The following DYNC2H1 variants were observed in gnomAD, a reference collection of about 807,000 sequenced individuals.
The protein encoded by DYNC2H1 is dynein cytoplasmic 2 heavy chain 1.
DYNC2H1 carries 410 observed loss-of-function variants against 570.0 expected under a neutral mutation model. The observed-to-expected ratio is 0.72, with a 90% CI of 0.66 to 0.78. The LOEUF is 0.78. DYNC2H1 is among the 30% of genes least tolerant of loss of function. The probability of loss-of-function intolerance (pLI) is 0.00; values close to 1 mark genes in which losing one functional copy is unlikely to be tolerated. For missense variants in DYNC2H1, 4,865 were observed against 5,046.4 expected (o/e 0.96, Z 1.09); for synonymous variants, 1,688 against 1,677.6 (o/e 1.01, Z -0.15).
chr11:103,317,627 A>G (rs967979509), intron 80 of DYNC2H1, among the ~76,000 whole-genome samples: 3 of 152,130 alleles, frequency 2.0e-5, no homozygotes, highest in Non-Finnish European at 4.4e-5. Context: ...GTGTTCCTCA[A>G]ACAAGCCAGA....
At position 103,245,959 on chromosome 11, in the gene DYNC2H1, A is replaced by G. The variant is rs1395128733; in HGVS notation, c.10042+585A>G. Among the ~76,000 whole-genome samples the G allele has an allele frequency of 1.3e-5, 2 of 152,116 alleles. No individual in the cohort carries two copies. Among genetic ancestry groups the G allele is most frequent in the Non-Finnish European group, 2.9e-5 (2 of 67,986 alleles). On this transcript the variant is annotated intron_variant, in intron 65 of 88. Transcript: ENST00000375735. This position sits in a 1 kb window ranked among gnomAD's most constrained non-coding sequence, Gnocchi z 4.5. ...ATACGTACGTGAATGTATGCCACAT[A>G]CGTTGCTAGCACAGCAAACTTTAAA...
rs956799140 is a variant in DYNC2H1 at position 103,459,973 on chromosome 11, A to C, written c.12648+3617A>C. Among the ~76,000 whole-genome samples the C allele has an allele frequency of 2.5e-4, 38 of 151,564 alleles. 1 individual carries two copies. The South Asian group carries it at 7.9e-3, about 32-fold the overall frequency. ...GACTCCGTCTCAAAAAAAAAAGAAAAAAAAAAAAAAGCTGAAGGACTTAGA... is the reference window on the plus strand; with the variant it reads ...GACTCCGTCTCAAAAAAAAAAGAAACAAAAAAAAAAGCTGAAGGACTTAGA... On this transcript the variant is annotated intron_variant, in intron 87 of 88. Transcript: ENST00000375735.
intron 65 of DYNC2H1, among the ~76,000 whole-genome samples, chr11:103,247,316 C>T (rs977419567): frequency 1.3e-5 from 2 of 151,994 alleles, no homozygotes; most frequent in Non-Finnish European, 2.9e-5. Context: ...CCAGATGCCT[C>T]CTTTTAGGCA....
intron 84 of DYNC2H1, among the ~76,000 whole-genome samples, chr11:103,412,728 T>G (rs1280501209): frequency 6.6e-6 from 1 of 152,164 alleles, no homozygotes; most frequent in South Asian, 2.1e-4. Flanking sequence ...GTTTAATCAT[T>G]TTGAAATCAT....
chr11:103,117,246 A>T (rs940038802), intron 5 of DYNC2H1, among the ~76,000 whole-genome samples: 1 of 146,648 alleles, frequency 6.8e-6, no homozygotes, highest in Admixed American at 6.9e-5. Flanking sequence ...ATATATATTT[A>T]ATATATATAT....
chr11:103,463,225 A>C (rs909489801), intron 87 of DYNC2H1, among the ~76,000 whole-genome samples: 1 of 152,218 alleles, frequency 6.6e-6, no homozygotes, highest in African/African-American at 2.4e-5. Context: ...AATACAAGAT[A>C]AGTATTACAT....
Position 103,189,781 on chromosome 11 carries a change from C to A in DYNC2H1, c.7402C>A (p.Leu2468Ile), listed in dbSNP as rs1342095648. The change falls in exon 45 of 89, where the codon CTT becomes ATT. Residue 2468 changes from leucine (L) to isoleucine (I), a missense_variant. By Grantham distance (5) the Leu-to-Ile change is conservative. Coordinates refer to ENST00000375735, the MANE Select transcript of DYNC2H1 (RefSeq NM_001377.3). This position sits in a 1 kb window ranked among gnomAD's most constrained non-coding sequence, Gnocchi z 4.3. ...TTGGGGTTCTTCATCAAAAATTTATCTTTTAGCAGGATCTATGGTACAAGT... is the reference window on the plus strand; with the variant it reads ...TTGGGGTTCTTCATCAAAAATTTATATTTTAGCAGGATCTATGGTACAAGT... ...SIWGSSSKIY[L>I]LAGSMVQVYE... The A allele has an allele frequency of 1.2e-6, 2 of 1,611,428 alleles. No individual in the cohort carries two copies. Among genetic ancestry groups the A allele is most frequent in the East Asian group, 2.2e-5 (1 of 44,808 alleles).
chr11:103,250,009 A>C (rs1021546908), intron 65 of DYNC2H1, among the ~76,000 whole-genome samples: 15 of 152,108 alleles, frequency 9.9e-5, no homozygotes, highest in African/African-American at 3.4e-4. Context: ...TTGTACTGAC[A>C]TAATGCACAA....
intron 75 of DYNC2H1, among the ~76,000 whole-genome samples, chr11:103,302,381 A>G (rs368565430): frequency 2.6e-5 from 4 of 152,078 alleles, no homozygotes; most frequent in Admixed American, 2.0e-4. Context: ...TACAATTATT[A>G]TACTTATTTT....
chr11:103,375,453 G>A (rs183488128), intron 83 of DYNC2H1, among the ~76,000 whole-genome samples: 128 of 152,258 alleles, frequency 8.4e-4, no homozygotes, highest in Non-Finnish European at 8.1e-4. Context: ...AGCTTGCACC[G>A]TGCTTCTGGA....
chr11:103,347,887 A>G (rs1197750006), intron 82 of DYNC2H1, among the ~76,000 whole-genome samples: 1 of 152,046 alleles, frequency 6.6e-6, no homozygotes, highest in Non-Finnish European at 1.5e-5. Flanking sequence ...CAGTTTCTGG[A>G]TAGGGAACTA....
chr11:103,124,621 C>T (rs1248332744), intron 11 of DYNC2H1, among the ~76,000 whole-genome samples: 1 of 151,928 alleles, frequency 6.6e-6, no homozygotes, highest in Non-Finnish European at 1.5e-5. Context: ...CAAAAAAGGA[C>T]AATTATTAGG....
At chr11:103,112,866 G>T (rs1171221769) in intron 1 of DYNC2H1, among the ~76,000 whole-genome samples, 1 of 152,178 alleles carries the variant, frequency 6.6e-6, no homozygotes, top group East Asian at 1.9e-4. Flanking sequence ...TCATTACTAT[G>T]AACTGACCTA....
Position 103,321,229 on chromosome 11 carries a change from A to C in DYNC2H1, c.11926A>C (p.Ser3976Arg). The C allele has an allele frequency of 6.2e-7, 1 of 1,606,036 alleles. No homozygotes were observed. Among genetic ancestry groups the C allele is most frequent in the Non-Finnish European group, 8.5e-7 (1 of 1,175,400 alleles). ...PYSVSLPQSCSILDYRAVIEK... is the reference protein window; with the variant it reads ...PYSVSLPQSCRILDYRAVIEK... ...TTCCGTATCTCTACCACAATCCTGC[A>C]GCATTTTGGTAGGTAAAATGAATGA... The change falls in exon 81 of 89, where the codon AGC becomes CGC. Residue 3976 changes from serine to arginine, a missense_variant. This residue lies in a region of DYNC2H1 where 2,401 missense variants were observed against 2,454.6 expected (regional missense o/e 0.98). Coordinates refer to ENST00000375735, the MANE Select transcript of DYNC2H1 (RefSeq NM_001377.3).
At chr11:103,131,222 T>C (rs1859249567) in intron 13 of DYNC2H1, among the ~76,000 whole-genome samples, 1 of 152,150 alleles carries the variant, frequency 6.6e-6, no homozygotes. Flanking sequence ...TTTCCCCTAA[T>C]CATCAAATAT....
In DYNC2H1 at chr11:103,109,471, C is replaced by T. The variant is rs1035921568; in HGVS notation, c.-104C>T. On this transcript the variant is annotated 5_prime_UTR_variant, in exon 1 of 89. Transcript: ENST00000375735. ...CCGCGAAGCTCTGCGGTCCCGCGGT[C>T]GGGCTACGGGTTTGAGCAAAGCTCC... 23 of 1,132,212 alleles carry T rather than the reference C, an allele frequency of 2.0e-5. No homozygotes were observed. The African/African-American group carries it at 3.3e-4, about 16-fold the overall frequency. 70.1% of individuals were successfully genotyped at this position (1,132,212 alleles called of 1,614,324 possible).
chr11:103,283,179 A>G, intron 73 of DYNC2H1, 94 bp downstream of exon 73: 1 of 988,454 alleles, frequency 1.0e-6, no homozygotes, highest in Non-Finnish European at 1.5e-6. Context: ...AATCAGTGTT[A>G]ACATTTTTAA....
intron 36 of DYNC2H1, 83 bp downstream of exon 36, chr11:103,174,253 G>A: frequency 8.4e-7 from 1 of 1,185,754 alleles, no homozygotes; most frequent in African/African-American, 1.5e-5. Context: ...TTACAGAAAA[G>A]TTGTAGATAC....
intron 84 of DYNC2H1, among the ~76,000 whole-genome samples, chr11:103,415,763 C>T (rs1421243630): frequency 2.6e-5 from 4 of 152,180 alleles, no homozygotes; most frequent in South Asian, 4.1e-4. Context: ...GGATCTGGAA[C>T]TAGAATTACC....
Sources: gnomAD v4.1 joint callset for allele counts (sites outside exome capture counted in the v4.1 genomes callset) on GRCh38, gnomAD v4.1.1 for gene constraint, gnomAD v4.1.1 regional missense constraint, Gnocchi (gnomAD v3.1) non-coding constraint, MANE v1.5 for transcripts, NCBI Gene and HGNC (gene_info 2026-07-23, HGNC 2026-07-21) for gene names.